The following GPC6 variants were observed in gnomAD, a reference collection of about 807,000 sequenced individuals.
GPC6 encodes glypican-6.
Under a neutral mutation model 55.2 loss-of-function variants are expected in GPC6, and 14 were observed. The ratio of observed to expected loss-of-function variants is 0.25; its 90% CI spans 0.17 to 0.40. The LOEUF (loss-of-function observed/expected upper bound fraction) is 0.40. GPC6 is among the 10% of genes least tolerant of loss of function. The pLI, the probability that GPC6 is intolerant of heterozygous loss-of-function variation, is 1.00. For synonymous variants in GPC6, 278 were observed against 259.6 expected, an observed-to-expected ratio of 1.07 and a Z score of -0.68; for missense variants, 641 against 708.5, an observed-to-expected ratio of 0.90 and a Z score of 1.08.
intron 2 of GPC6, among the ~76,000 whole-genome samples, chr13:93,801,468 A>G (rs1460011138): frequency 6.6e-6 from 1 of 152,072 alleles, no homozygotes; most frequent in African/African-American, 2.4e-5. Flanking sequence ...TTGGTGAGAC[A>G]CTGTCGAAAT....
chr13:93,315,993 A>C (rs1178038674), intron 1 of GPC6, among the ~76,000 whole-genome samples: 1 of 152,114 alleles, frequency 6.6e-6, no homozygotes, highest in Non-Finnish European at 1.5e-5. Context: ...TGCTCAAAGC[A>C]GTCTCAATGA....
intron 3 of GPC6, among the ~76,000 whole-genome samples, chr13:93,930,609 T>TAC (rs1488690986): frequency 2.0e-5 from 3 of 151,792 alleles, no homozygotes; most frequent in Non-Finnish European, 4.4e-5. Flanking sequence ...AATATGACTG[T>TAC]ACACACATAT....
intron 6 of GPC6, among the ~76,000 whole-genome samples, chr13:94,362,117 C>G (rs182418906): frequency 1.6e-4 from 24 of 152,198 alleles, no homozygotes; most frequent in Admixed American, 8.5e-4. Flanking sequence ...GCTGGAAAGT[C>G]AAAGTGCTAA....
At chr13:94,368,769 G>T (rs1879399596) in intron 6 of GPC6, among the ~76,000 whole-genome samples, 1 of 152,208 alleles carries the variant, frequency 6.6e-6, no homozygotes, top group African/African-American at 2.4e-5. Context: ...GACCTTGTTT[G>T]GTTGCTGAAG....
At chr13:93,732,101 C>T (rs946060215) in intron 2 of GPC6, among the ~76,000 whole-genome samples, 1 of 152,158 alleles carries the variant, frequency 6.6e-6, no homozygotes, top group African/African-American at 2.4e-5. Flanking sequence ...GTAGATGCAG[C>T]TTTCCCAGCT....
rs183802501 is a variant in GPC6 at position 93,410,971 on chromosome 13, A to T, written c.161-134292A>T. Among the ~76,000 whole-genome samples, 21 of 152,286 alleles carry T rather than the reference A, an allele frequency of 1.4e-4. No homozygotes were observed. The East Asian group carries it at 3.3e-3, about 24-fold the overall frequency. Reference sequence around the variant, plus strand: ...CGACTTGCAATGATTGCATCCATATATGTCAATGACATTCCCTTCCATTGA... The same window carrying T: ...CGACTTGCAATGATTGCATCCATATTTGTCAATGACATTCCCTTCCATTGA... On this transcript the variant is annotated intron_variant, in intron 1 of 8. Coordinates refer to ENST00000377047, the MANE Select transcript of GPC6 (RefSeq NM_005708.5).
intron 5 of GPC6, among the ~76,000 whole-genome samples, chr13:94,291,112 G>A (rs1874946142): frequency 6.6e-6 from 1 of 151,894 alleles, no homozygotes; most frequent in Admixed American, 6.6e-5. Flanking sequence ...AGAATCTCTT[G>A]AACCTAGGAA....
At chr13:93,248,171 T>C (rs145671957) in intron 1 of GPC6, among the ~76,000 whole-genome samples, 1 of 152,336 alleles carries the variant, frequency 6.6e-6, no homozygotes, top group East Asian at 1.9e-4. Context: ...AAGGGTTGAC[T>C]ATATATAGAA....
At chr13:93,689,667 C>T (rs1356229527) in intron 2 of GPC6, among the ~76,000 whole-genome samples, 1 of 152,062 alleles carries the variant, frequency 6.6e-6, no homozygotes, top group African/African-American at 2.4e-5. Context: ...CAGGTCAGAC[C>T]TAAAACATTA....
intron 1 of GPC6, among the ~76,000 whole-genome samples, chr13:93,313,140 A>AT (rs1195584550): frequency 6.6e-6 from 1 of 152,172 alleles, no homozygotes; most frequent in Non-Finnish European, 1.5e-5. Flanking sequence ...TTGTTTATCT[A>AT]TTAGATGCTC....
At chr13:93,492,377 C>T (rs1880051091) in intron 1 of GPC6, among the ~76,000 whole-genome samples, 1 of 144,010 alleles carries the variant, frequency 6.9e-6, no homozygotes, top group Non-Finnish European at 1.5e-5. Context: ...ATTTTGTATC[C>T]TGAGACTTTG....
chr13:94,336,956 A>G (rs1285046704), intron 6 of GPC6, among the ~76,000 whole-genome samples: 2 of 152,238 alleles, frequency 1.3e-5, no homozygotes, highest in African/African-American at 2.4e-5. Context: ...GTTTTATGAT[A>G]TCTCAGTAAA....
intron 2 of GPC6, among the ~76,000 whole-genome samples, chr13:93,589,285 T>C (rs890462672): frequency 1.7e-4 from 26 of 152,100 alleles, no homozygotes; most frequent in Non-Finnish European, 2.9e-4. Context: ...AAAAAAATTT[T>C]CAAACATACA....
At chr13:94,299,199 C>T (rs766416173) in intron 5 of GPC6, among the ~76,000 whole-genome samples, 12 of 150,866 alleles carry the variant, frequency 8.0e-5, no homozygotes, top group Non-Finnish European at 1.2e-4. Context: ...GATTTATTAA[C>T]CATTATTATT....
At chr13:93,846,625 C>T (rs1193057881) in intron 3 of GPC6, among the ~76,000 whole-genome samples, 1 of 152,120 alleles carries the variant, frequency 6.6e-6, no homozygotes, top group Admixed American at 6.5e-5. Context: ...CCAGTCTGGC[C>T]AACATGGTGA....
chr13:93,729,299 A>ACATTC (rs1333712246), intron 2 of GPC6, among the ~76,000 whole-genome samples: 1 of 152,180 alleles, frequency 6.6e-6, no homozygotes, highest in Non-Finnish European at 1.5e-5. Context: ...GCATCAGACC[A>ACATTC]CATTCTCAGA....
intron 1 of GPC6, among the ~76,000 whole-genome samples, chr13:93,513,693 G>A (rs1484028093): frequency 1.3e-5 from 2 of 152,100 alleles, no homozygotes; most frequent in African/African-American, 2.4e-5. Flanking sequence ...GCTATTGCAC[G>A]ATTGCACGAT....
intron 3 of GPC6, among the ~76,000 whole-genome samples, chr13:93,846,102 A>T (rs1165660845): frequency 6.6e-6 from 1 of 152,150 alleles, no homozygotes; most frequent in Non-Finnish European, 1.5e-5. Context: ...CCTCAAAAAC[A>T]TCCTCGTAAT....
intron 6 of GPC6, among the ~76,000 whole-genome samples, chr13:94,373,974 A>T (rs1879712972): frequency 6.6e-6 from 1 of 152,006 alleles, no homozygotes; most frequent in Non-Finnish European, 1.5e-5. Flanking sequence ...AAGCTTCATA[A>T]GTGAAGGAGA....
Sources: allele counts gnomAD v4.1 joint callset (sites outside exome capture counted in the v4.1 genomes callset), GRCh38; gene constraint gnomAD v4.1.1; transcripts MANE v1.5; gene names NCBI Gene and HGNC (gene_info 2026-07-23, HGNC 2026-07-21).